The following GALNTL6 variants were observed in gnomAD, a reference collection of about 807,000 sequenced individuals.
The protein encoded by GALNTL6 is polypeptide N-acetylgalactosaminyltransferase like 6.
In GALNTL6, 46 loss-of-function variants were observed where a neutral mutation model predicts 73.7. The ratio of observed to expected loss-of-function variants is 0.62; its 90% confidence interval spans 0.49 to 0.80. GALNTL6 has a LOEUF of 0.80. Ranked by LOEUF, GALNTL6 falls within the 30% of genes least tolerant of loss-of-function variation. The probability of loss-of-function intolerance (pLI) is 0.00; values close to 1 mark genes in which losing one functional copy is unlikely to be tolerated. For missense variants in GALNTL6, 604 were observed against 755.0 expected (o/e 0.80, Z 2.34); for synonymous variants, 259 against 263.7 (o/e 0.98, Z 0.17).
At chr4:171,983,973 G>A (rs1006479327) in intron 2 of GALNTL6, among the ~76,000 whole-genome samples, 6 of 152,164 alleles carry the variant, frequency 3.9e-5, no homozygotes, top group Non-Finnish European at 8.8e-5. Context: ...TACTGGGAGG[G>A]TTGGACATGT....
chr4:171,905,910 A>C (rs1191883329), intron 2 of GALNTL6, among the ~76,000 whole-genome samples: 1 of 150,866 alleles, frequency 6.6e-6, no homozygotes, highest in Non-Finnish European at 1.5e-5. Context: ...ACATAATGAA[A>C]TGAAGGCAGA....
chr4:172,616,532 CTTTTTTT>C (rs56070364), intron 5 of GALNTL6, among the ~76,000 whole-genome samples: 1 of 117,416 alleles, frequency 8.5e-6, no homozygotes, highest in Non-Finnish European at 1.7e-5. Flanking sequence ...AATCCATACT[CTTTTTTT>C]TTTTTTTTTT....
chr4:172,781,440 A>G (rs1739363474), intron 5 of GALNTL6, among the ~76,000 whole-genome samples: 1 of 152,236 alleles, frequency 6.6e-6, no homozygotes, highest in African/African-American at 2.4e-5. Flanking sequence ...TGAGAATAAA[A>G]TGAAACAAGT....
intron 10 of GALNTL6, among the ~76,000 whole-genome samples, chr4:172,977,417 G>A (rs1046421733): frequency 6.6e-6 from 1 of 152,196 alleles, no homozygotes; most frequent in African/African-American, 2.4e-5. Context: ...GTCTATGCCA[G>A]GATACTGAGT....
intron 5 of GALNTL6, among the ~76,000 whole-genome samples, chr4:172,445,506 G>T (rs561178509): frequency 6.6e-6 from 1 of 152,166 alleles, no homozygotes; most frequent in African/African-American, 2.4e-5. Context: ...ACGCACACAT[G>T]CACACACAAT....
chr4:172,450,226 A>AAG (rs1732162364), intron 5 of GALNTL6, among the ~76,000 whole-genome samples: 1 of 150,842 alleles, frequency 6.6e-6, no homozygotes, highest in Admixed American at 6.6e-5. Context: ...AAAAAAAAAA[A>AAG]AAAACAAACA....
rs562724512 is a variant in GALNTL6 at position 172,295,599 on chromosome 4, T to C, written c.248-16015T>C. On this transcript the variant is annotated intron_variant, in intron 3 of 12. Coordinates refer to ENST00000506823, the MANE Select transcript of GALNTL6 (RefSeq NM_001034845.3). ...GGTTTACTCTATAACCAAATATGTG[T>C]AGTTTTAATTTTCTTCAGCTATGTT... Among the ~76,000 whole-genome samples, 34 of 149,236 alleles carry C rather than the reference T, an allele frequency of 2.3e-4. No individual in the cohort carries two copies. The South Asian group carries it at 7.2e-3, about 32-fold the overall frequency.
chr4:172,080,217 G>T (rs1731836851), intron 2 of GALNTL6, among the ~76,000 whole-genome samples: 1 of 151,940 alleles, frequency 6.6e-6, no homozygotes, highest in South Asian at 2.1e-4. Context: ...CTCTCGCTTT[G>T]TTGCTCTTGC....
At chr4:172,173,808 T>A (rs1246093305) in intron 2 of GALNTL6, among the ~76,000 whole-genome samples, 2 of 152,056 alleles carry the variant, frequency 1.3e-5, no homozygotes, top group Non-Finnish European at 2.9e-5. Context: ...GGTATTTGAG[T>A]CAGAAGAAGC....
chr4:172,884,000 G>A (rs1312027340), intron 8 of GALNTL6, among the ~76,000 whole-genome samples: 1 of 151,948 alleles, frequency 6.6e-6, no homozygotes, highest in African/African-American at 2.4e-5. Context: ...ATTCCATTGT[G>A]TATATATACT....
chr4:171,870,516 G>T (rs1305906100), intron 2 of GALNTL6, among the ~76,000 whole-genome samples: 1 of 151,832 alleles, frequency 6.6e-6, no homozygotes, highest in Non-Finnish European at 1.5e-5. Flanking sequence ...CTTAACCATT[G>T]ATATAAATAT....
chr4:172,106,714 T>G (rs367907657), intron 2 of GALNTL6, among the ~76,000 whole-genome samples: 2 of 152,164 alleles, frequency 1.3e-5, no homozygotes, highest in South Asian at 4.1e-4. Context: ...TTAAATATAT[T>G]GTTGATCTCT....
chr4:172,984,634 G>A (rs968122559), intron 10 of GALNTL6, among the ~76,000 whole-genome samples: 6 of 152,228 alleles, frequency 3.9e-5, no homozygotes, highest in East Asian at 1.9e-4. Flanking sequence ...GGGCGAGGAC[G>A]GCAAAGCCTG....
chr4:172,757,233 A>G (rs749188484), intron 5 of GALNTL6, among the ~76,000 whole-genome samples: 3 of 152,170 alleles, frequency 2.0e-5, no homozygotes, highest in Admixed American at 6.5e-5. Context: ...ATAAAGCTAC[A>G]TTTTCCTGGG....
chr4:172,974,949 C>T (rs945553201), intron 10 of GALNTL6, among the ~76,000 whole-genome samples: 2 of 152,234 alleles, frequency 1.3e-5, no homozygotes, highest in African/African-American at 4.8e-5. Context: ...AACCACAGAG[C>T]TCCAAAGAGG....
At chr4:172,649,692 G>A (rs963340702) in intron 5 of GALNTL6, among the ~76,000 whole-genome samples, 69 of 152,042 alleles carry the variant, frequency 4.5e-4, no homozygotes, top group Non-Finnish European at 8.7e-4. Flanking sequence ...TATATAATAA[G>A]TTAATTAAGT....
At chr4:171,972,334 T>A (rs913250134) in intron 2 of GALNTL6, among the ~76,000 whole-genome samples, 5 of 152,198 alleles carry the variant, frequency 3.3e-5, no homozygotes, top group Admixed American at 3.3e-4. Flanking sequence ...ATTTCATAAA[T>A]CATTTCAATA....
rs185741628 is a variant in GALNTL6 at position 173,040,390 on chromosome 4, T to A, written c.*290T>A. ...AAACAACTGCTGAGCTAATAAATCC[T>A]AGCATTTCTCAGGTCAAATCCTGCA... On this transcript the variant is annotated 3_prime_UTR_variant, in exon 13 of 13. Coordinates refer to ENST00000506823, the MANE Select transcript of GALNTL6 (RefSeq NM_001034845.3). The A allele has an allele frequency of 5.3e-4, 185 of 345,966 alleles. No homozygotes were observed. The highest frequency in any genetic ancestry group is 3.2e-3 in the African/African-American group (148 of 46,564). 21.4% of individuals were successfully genotyped at this position (345,966 alleles called of 1,614,324 possible).
intron 2 of GALNTL6, among the ~76,000 whole-genome samples, chr4:172,197,655 C>T (rs967521655): frequency 3.3e-5 from 5 of 152,178 alleles, no homozygotes; most frequent in East Asian, 1.9e-4. Flanking sequence ...CACATCTAAT[C>T]TTCTACAAAC....
Sources: gnomAD v4.1 joint callset for allele counts (sites outside exome capture counted in the v4.1 genomes callset) on GRCh38, gnomAD v4.1.1 for gene constraint, MANE v1.5 for transcripts, NCBI Gene and HGNC (gene_info 2026-07-23, HGNC 2026-07-21) for gene names.